Variants in CDH12 observed in about 807,000 individuals in gnomAD.
The protein encoded by CDH12 is cadherin 12.
Under a neutral mutation model 74.1 loss-of-function variants are expected in CDH12, and 41 were observed. The ratio of observed to expected loss-of-function variants is 0.55; its 90% confidence interval spans 0.43 to 0.72. The LOEUF is 0.72. CDH12 is among the 30% of genes least tolerant of loss of function. CDH12 has a pLI of 0.00. For missense variants in CDH12, 945 were observed against 977.2 expected (o/e 0.97, Z 0.44); for synonymous variants, 399 against 355.0 (o/e 1.12, Z -1.39).
intron 4 of CDH12, among the ~76,000 whole-genome samples, chr5:22,182,866 C>T (rs1749719960): frequency 1.3e-5 from 2 of 151,730 alleles, no homozygotes; most frequent in Middle Eastern, 3.2e-3. Flanking sequence ...CTGATTAGAG[C>T]TTATAGTGCC....
chr5:22,593,835 G>C (rs1425028439), intron 1 of CDH12, among the ~76,000 whole-genome samples: 3 of 152,050 alleles, frequency 2.0e-5, no homozygotes, highest in Non-Finnish European at 4.4e-5. Context: ...CTACAATAAG[G>C]GTTCTTACTC....
intron 4 of CDH12, among the ~76,000 whole-genome samples, chr5:22,117,701 A>G (rs2150270471): frequency 6.7e-6 from 1 of 150,072 alleles, no homozygotes; most frequent in South Asian, 2.1e-4. Flanking sequence ...CAACAGTAGA[A>G]CAGCAAAGAT....
intron 1 of CDH12, among the ~76,000 whole-genome samples, chr5:22,577,788 C>T (rs2126777166): frequency 6.6e-6 from 1 of 152,294 alleles, no homozygotes; most frequent in South Asian, 2.1e-4. Context: ...AGCATCTACA[C>T]AGTAATCATC....
intron 5 of CDH12, among the ~76,000 whole-genome samples, chr5:22,024,696 T>C (rs929656938): frequency 1.3e-5 from 2 of 152,078 alleles, no homozygotes; most frequent in African/African-American, 2.4e-5. Flanking sequence ...TGTATTTTAG[T>C]AGAGACAATG....
At chr5:22,787,014 T>C (rs1747667922) in intron 1 of CDH12, among the ~76,000 whole-genome samples, 1 of 152,060 alleles carries the variant, frequency 6.6e-6, no homozygotes, top group African/African-American at 2.4e-5. Flanking sequence ...AATTAATTTA[T>C]TAATTTTGAC....
At chr5:22,372,694 T>C (rs1055083765) in intron 3 of CDH12, among the ~76,000 whole-genome samples, 3 of 152,156 alleles carry the variant, frequency 2.0e-5, no homozygotes, top group Non-Finnish European at 2.9e-5. Context: ...AGAGAAACTG[T>C]AAGCCCGTAG....
chr5:22,580,110 T>G, intron 1 of CDH12: 1 of 234,328 alleles, frequency 4.3e-6, no homozygotes, highest in Non-Finnish European at 8.6e-6. Context: ...TTAGAGTCCC[T>G]GCCCCAAATA....
chr5:22,710,132 T>C (rs1482352974), intron 1 of CDH12, among the ~76,000 whole-genome samples: 4 of 152,194 alleles, frequency 2.6e-5, no homozygotes, highest in African/African-American at 9.6e-5. Flanking sequence ...CTATAATTTA[T>C]ATTATGTTGT....
chr5:22,372,853 G>A (rs1741355201), intron 3 of CDH12, among the ~76,000 whole-genome samples: 1 of 152,152 alleles, frequency 6.6e-6, no homozygotes, highest in African/African-American at 2.4e-5. Context: ...GGAGAGGCCA[G>A]AAACTTCCAC....
At chr5:22,075,794 T>C (rs1023434824) in intron 5 of CDH12, among the ~76,000 whole-genome samples, 4 of 152,086 alleles carry the variant, frequency 2.6e-5, no homozygotes, top group Admixed American at 1.3e-4. Flanking sequence ...TGTCCAATGG[T>C]GAACTGTAGA....
At chr5:21,863,302 T>A (rs1427923938) in intron 6 of CDH12, among the ~76,000 whole-genome samples, 1 of 152,156 alleles carries the variant, frequency 6.6e-6, no homozygotes, top group Non-Finnish European at 1.5e-5. Context: ...TCACCGTTGA[T>A]GTCCAGGTCC....
chr5:22,538,110 G>A (rs1232987130), intron 1 of CDH12, among the ~76,000 whole-genome samples: 3 of 152,134 alleles, frequency 2.0e-5, no homozygotes, highest in Non-Finnish European at 4.4e-5. Context: ...ATGTTGGAAG[G>A]CATCAGGCTA....
chr5:22,288,340 T>TA (rs1737244178), intron 3 of CDH12, among the ~76,000 whole-genome samples: 1 of 152,192 alleles, frequency 6.6e-6, no homozygotes, highest in African/African-American at 2.4e-5. Flanking sequence ...AATGTACATC[T>TA]AAAACATGAA....
chr5:22,654,451 G>A (rs965958895), intron 1 of CDH12, among the ~76,000 whole-genome samples: 8 of 151,108 alleles, frequency 5.3e-5, no homozygotes, highest in African/African-American at 7.3e-5. Flanking sequence ...CTCCACCGCC[G>A]GCTAATTGTG....
chr5:22,819,659 A>G (rs1007723246), intron 1 of CDH12, among the ~76,000 whole-genome samples: 1 of 151,876 alleles, frequency 6.6e-6, no homozygotes, highest in South Asian at 2.1e-4. Context: ...ATAAATGACC[A>G]TAAGTGAGCT....
intron 1 of CDH12, among the ~76,000 whole-genome samples, chr5:22,731,360 TAGTA>T (rs1561609169): frequency 6.6e-6 from 1 of 151,866 alleles, no homozygotes; most frequent in Non-Finnish European, 1.5e-5. Flanking sequence ...ATTATAAAAT[TAGTA>T]AGTGTACTAT....
chr5:22,452,778 AAGATACAACC>A (rs1745095797), intron 2 of CDH12, among the ~76,000 whole-genome samples: 1 of 151,466 alleles, frequency 6.6e-6, no homozygotes, highest in Non-Finnish European at 1.5e-5. Flanking sequence ...CAACAGAGCA[AAGATACAACC>A]TATGGAATGG....
chr5:22,357,449 A>AT lies in CDH12; in HGVS notation c.-333+47807dup, dbSNP rs1401195285. On this transcript the variant is annotated intron_variant, in intron 3 of 14. Transcript: ENST00000382254. ...CCAAATGGAAGATAAAAATTAATCC[A>AT]TAAAAAAAACCATCATGATTTGTAA... Among the ~76,000 whole-genome samples, 8 of 152,266 alleles carry AT rather than the reference A, an allele frequency of 5.3e-5. No homozygotes were observed. The South Asian group carries it at 1.7e-3, about 32-fold the overall frequency.
chr5:22,480,565 A>G (rs1746347197), intron 2 of CDH12, among the ~76,000 whole-genome samples: 1 of 146,424 alleles, frequency 6.8e-6, no homozygotes, highest in Admixed American at 7.1e-5. Flanking sequence ...AGTGTGGGCA[A>G]CAGTGAAGCC....
Sources: gnomAD v4.1 joint callset for allele counts (sites outside exome capture counted in the v4.1 genomes callset) on GRCh38, gnomAD v4.1.1 for gene constraint, MANE v1.5 for transcripts, NCBI Gene and HGNC (gene_info 2026-07-23, HGNC 2026-07-21) for gene names.